DCANP1: variants seen among roughly 807,000 people sequenced by gnomAD.
DCANP1 encodes dendritic cell nuclear protein 1.
For missense variants in DCANP1, 328 were observed against 293.7 expected, an observed-to-expected ratio of 1.12 and a Z score of -0.85; for synonymous variants, 139 against 124.2, an observed-to-expected ratio of 1.12 and a Z score of -0.79.
At position 135,446,157 on chromosome 5, in the gene DCANP1, AC is replaced by A. The variant is rs1000516626; in HGVS notation, c.*216del. Reference sequence around the variant, plus strand: ...GACTCTAAGGAGGTAAGTACTGTGAACTTTCCCGTTTTCTACAAGAAGAAAC... The same window carrying A: ...GACTCTAAGGAGGTAAGTACTGTGAATTTCCCGTTTTCTACAAGAAGAAAC... On this transcript the variant is annotated 3_prime_UTR_variant, in exon 1 of 1. Coordinates refer to ENST00000503143, the MANE Select transcript of DCANP1 (RefSeq NM_130848.3). 2 of 561,332 alleles carry A rather than the reference AC, an allele frequency of 3.6e-6. No homozygotes were observed. The highest frequency in any genetic ancestry group is 6.1e-6 in the Non-Finnish European group (2 of 330,440). 34.8% of individuals were successfully genotyped at this position (561,332 alleles called of 1,614,324 possible). A position where few individuals can be genotyped will look rare whatever the true frequency, so the allele number is the denominator to read the frequency against.
Position 135,445,007 on chromosome 5 carries a change from CA to C in DCANP1, c.*1366del. On this transcript the variant is annotated 3_prime_UTR_variant, in exon 1 of 1. Transcript: ENST00000503143. Reference sequence around the variant, plus strand: ...TCTGCACGGGCTGGCCTGCATAGCCCAGGGGTGGAGAGAGGGGTCAGACTAG... The same window carrying C: ...TCTGCACGGGCTGGCCTGCATAGCCCGGGGTGGAGAGAGGGGTCAGACTAG... 6.6e-6 allele frequency: 1 copy of C among 152,362 alleles called. No homozygotes were observed. The highest frequency in any genetic ancestry group is 2.4e-5 in the African/African-American group (1 of 41,536). The allele number at this position is 152,362 out of a possible 1,614,324, so 9.4% of individuals were successfully genotyped here.
chr5:135,446,993 C>T lies in DCANP1; in HGVS notation c.116G>A (p.Gly39Glu), dbSNP rs1769280523. Residue 39 changes from glycine (G) to glutamate (E), a missense_variant, in exon 1 of 1, where the codon GGG becomes GAG. Transcript: ENST00000503143. ...CTCTGGTGGAGCTGGGGAGTGGCAC[C>T]CTGGGAACTCTGGGGTTTCCCCACC... is the stretch of plus-strand genomic sequence containing the variant. The part of the protein sequence containing the change: ...GAGGETPEFP[G>E]CHSPAPPENF... 1 of 1,613,290 alleles carries T rather than the reference C, an allele frequency of 6.2e-7. No individual in the cohort carries two copies. The highest frequency in any genetic ancestry group is 1.3e-5 in the African/African-American group (1 of 75,050).
At position 135,446,403 on chromosome 5, in the gene DCANP1, G is replaced by T; in HGVS notation, c.706C>A (p.His236Asn). 1 of 1,608,446 alleles carries T rather than the reference G, an allele frequency of 6.2e-7. No individual in the cohort carries two copies. The highest frequency in any genetic ancestry group is 1.1e-5 in the South Asian group (1 of 90,842). ...QQPPLHSLSS[H>N]RRAAHVPE ...TCAGGCACGTGGGCTGCCCTGCGGT[G>T]GGAGCTGAGAGAATGCAGTGGAGGT... is the stretch of plus-strand genomic sequence containing the variant. Residue 236 changes from histidine (H) to asparagine (N), a missense_variant, in exon 1 of 1, where the codon CAC becomes AAC. Coordinates refer to ENST00000503143, the MANE Select transcript of DCANP1 (RefSeq NM_130848.3).
At position 135,446,959 on chromosome 5, in the gene DCANP1, C is replaced by T. The variant is rs779051371; in HGVS notation, c.150G>A (p.Gly50=). ...GGGCACTCAGGGGCAGCAGCTCATT[C>T]CCAAAGTTCTCTGGTGGAGCTGGGG... ...CHSPAPPENF[G]NELLPLSAPL... Residue 50 remains glycine, a synonymous_variant, in exon 1 of 1, where the codon GGG becomes GGA. Transcript: ENST00000503143. 3 of 1,612,662 alleles carry T rather than the reference C, an allele frequency of 1.9e-6. No homozygotes were observed. In the East Asian group the frequency reaches 6.7e-5, roughly 36 times the overall value.
Position 135,446,316 on chromosome 5 carries a change from T to C in DCANP1, c.*58A>G. The C allele has an allele frequency of 6.5e-7, 1 of 1,534,508 alleles. No individual in the cohort carries two copies. Among genetic ancestry groups the C allele is most frequent in the South Asian group, 1.3e-5 (1 of 77,238 alleles). ...CTGGGAGCAGCGTTCATGTGCACTG[T>C]ATGTTCGTGTTTAGTGTATGTCTGT... On this transcript the variant is annotated 3_prime_UTR_variant, in exon 1 of 1. Coordinates refer to ENST00000503143, the MANE Select transcript of DCANP1 (RefSeq NM_130848.3).
chr5:135,446,975 G>A lies in DCANP1; in HGVS notation c.134C>T (p.Pro45Leu). 6.2e-7 allele frequency: 1 copy of A among 1,612,888 alleles called. No homozygotes were observed. Among genetic ancestry groups the A allele is most frequent in the Non-Finnish European group, 8.5e-7 (1 of 1,179,366 alleles). Residue 45 changes from proline to leucine, a missense_variant, in exon 1 of 1, where the codon CCA (proline) becomes CTA (leucine). Physicochemically the swap from Pro to Leu is moderately conservative, Grantham distance 98. Coordinates refer to ENST00000503143, the MANE Select transcript of DCANP1 (RefSeq NM_130848.3). ...CAGCTCATTCCCAAAGTTCTCTGGTGGAGCTGGGGAGTGGCACCCTGGGAA... is the reference window on the plus strand; with the variant it reads ...CAGCTCATTCCCAAAGTTCTCTGGTAGAGCTGGGGAGTGGCACCCTGGGAA... ...PEFPGCHSPA[P>L]PENFGNELLP...
chr5:135,447,220 AC>A lies in DCANP1; in HGVS notation c.-113del. 3.7e-6 allele frequency: 5 copies of A among 1,335,530 alleles called. No homozygotes were observed. In the South Asian group the frequency reaches 6.7e-5, roughly 18 times the overall value. The allele number at this position is 1,335,530 out of a possible 1,614,324, so 82.7% of individuals were successfully genotyped here. A position where few individuals can be genotyped will look rare whatever the true frequency, so the allele number is the denominator to read the frequency against. ...TACCAGGGCATCTCCCATTATACTA[AC>A]CCTGCCTATTGGACCTTCTGATGCA... On this transcript the variant is annotated 5_prime_UTR_variant, in exon 1 of 1. Coordinates refer to ENST00000503143, the MANE Select transcript of DCANP1 (RefSeq NM_130848.3).
In DCANP1 at chr5:135,446,381, G is replaced by C. The variant is rs370314333; in HGVS notation, c.728C>G (p.Pro243Arg). The stretch of plus-strand genomic sequence containing the variant: ...GTGCACACGCACACATGTTCACTCA[G>C]GCACGTGGGCTGCCCTGCGGTGGGA... ...LSSHRRAAHV[P>R]E The change falls in exon 1 of 1, where the codon CCT (proline) becomes CGT (arginine). Residue 243 changes from proline to arginine, a missense_variant. Pro to Arg is a moderately radical substitution (Grantham distance 103, BLOSUM62 -2). Coordinates refer to ENST00000503143, the MANE Select transcript of DCANP1 (RefSeq NM_130848.3). 3 of 1,599,736 alleles carry C rather than the reference G, an allele frequency of 1.9e-6. No individual in the cohort carries two copies. Among genetic ancestry groups the C allele is most frequent in the Non-Finnish European group, 8.5e-7 (1 of 1,170,456 alleles).
chr5:135,447,048 G>C lies in DCANP1; in HGVS notation c.61C>G (p.Pro21Ala), dbSNP rs777821975. The C allele has an allele frequency of 6.8e-6, 11 of 1,614,014 alleles. No individual in the cohort carries two copies. Among genetic ancestry groups the C allele is most frequent in the African/African-American group, 1.3e-5 (1 of 75,064 alleles). The change falls in exon 1 of 1, where the codon CCT (proline) becomes GCT (alanine). Residue 21 changes from proline (P) to alanine (A), a missense_variant. Physicochemically the swap from Pro to Ala is conservative, Grantham distance 27. Coordinates refer to ENST00000503143, the MANE Select transcript of DCANP1 (RefSeq NM_130848.3). ...NSRSHGLETVPGHQRLERGAG... is the reference protein window; with the variant it reads ...NSRSHGLETVAGHQRLERGAG... ...CCTCTCTCCAGTCTTTGGTGTCCAG[G>C]TACAGTCTCCAGGCCGTGGCTTCTC... is the stretch of plus-strand genomic sequence containing the variant.
Position 135,446,776 on chromosome 5 carries a change from A to T in DCANP1, c.333T>A (p.Asp111Glu). 1 of 1,613,936 alleles carries T rather than the reference A, an allele frequency of 6.2e-7. No individual in the cohort carries two copies. The highest frequency in any genetic ancestry group is 8.5e-7 in the Non-Finnish European group (1 of 1,179,836). ...TCTTCCTTCTGCTGCTATGCAGTTC[A>T]TCCTGGGTCCCTGAGGGCCTCGCAG... ...EASARPSGTQ[D>E]ELHSSRRKTG... The change falls in exon 1 of 1, where the codon GAT becomes GAA. Residue 111 changes from aspartate (D) to glutamate (E), a missense_variant. Asp to Glu is a conservative substitution (Grantham distance 45). Transcript: ENST00000503143.
In DCANP1 at chr5:135,444,359, A is replaced by G. The variant is rs1769215559; in HGVS notation, c.*2015T>C. 6.6e-6 allele frequency: 1 copy of G among 152,234 alleles called. No individual in the cohort carries two copies. The highest frequency in any genetic ancestry group is 2.4e-5 in the African/African-American group (1 of 41,454). The allele number at this position is 152,234 out of a possible 1,614,324, so 9.4% of individuals were successfully genotyped here. ...GGGCTGGGTTGTTTACTCCTCCCAC[A>G]GTCTTGGATGGGTTTTGAGGGTCTG... On this transcript the variant is annotated 3_prime_UTR_variant, in exon 1 of 1. Coordinates refer to ENST00000503143, the MANE Select transcript of DCANP1 (RefSeq NM_130848.3).
chr5:135,447,104 T>G lies in DCANP1; in HGVS notation c.5A>C (p.His2Pro), dbSNP rs1769283765. M[H>P]YGAATHIQNS... ...CTGTATGTGGGTTGCTGCTCCGTAA[T>G]GCATAGTTGGGGGACCATTTTGGTC... Residue 2 changes from histidine (H) to proline (P), a missense_variant, in exon 1 of 1, where the codon CAT becomes CCT. Physicochemically the swap from His to Pro is moderately conservative, Grantham distance 77. Transcript: ENST00000503143. The G allele has an allele frequency of 6.2e-7, 1 of 1,613,930 alleles. No individual in the cohort carries two copies. The highest frequency in any genetic ancestry group is 8.5e-7 in the Non-Finnish European group (1 of 1,179,920).
At chr5:135,446,598 A>AT in the DCANP1 span, 5 of 1,614,032 alleles carry the variant, frequency 3.1e-6, no homozygotes, top group Non-Finnish European at 4.2e-6. Context: ...CTCAAGAAAA[A>AT]TGAAGTCTCG....
Position 135,446,824 on chromosome 5 carries a change from G to A in DCANP1, c.285C>T (p.Asn95=). 6.2e-7 allele frequency: 1 copy of A among 1,613,956 alleles called. No homozygotes were observed. Among genetic ancestry groups the A allele is most frequent in the Non-Finnish European group, 8.5e-7 (1 of 1,179,840 alleles). The part of the protein sequence containing the change: ...AVQFLHRGLC[N]SNLSSEASAR... ...CAGATGCTTCACTCGAAAGATTGGA[G>A]TTGCAGAGTCCCCTGTGGAGGAATT... Residue 95 remains asparagine (N), a synonymous_variant, in exon 1 of 1, where the codon AAC becomes AAT. Transcript: ENST00000503143.
In DCANP1 at chr5:135,447,038, T is replaced by A. The variant is rs142314555; in HGVS notation, c.71A>T (p.Gln24Leu). 2.7e-5 allele frequency: 43 copies of A among 1,613,996 alleles called. No individual in the cohort carries two copies. In the African/African-American group the frequency reaches 3.9e-4, roughly 15 times the overall value. The change falls in exon 1 of 1, where the codon CAA (glutamine) becomes CTA (leucine). Residue 24 changes from glutamine (Q) to leucine (L), a missense_variant. Physicochemically the swap from Gln to Leu is moderately radical, Grantham distance 113 (BLOSUM62 -2). Transcript: ENST00000503143. ...SHGLETVPGHQRLERGAGGET... is the reference protein window; with the variant it reads ...SHGLETVPGHLRLERGAGGET... The stretch of plus-strand genomic sequence containing the variant: ...CCCACCAGCTCCTCTCTCCAGTCTT[T>A]GGTGTCCAGGTACAGTCTCCAGGCC...
At position 135,446,578 on chromosome 5, in the gene DCANP1, T is replaced by C; in HGVS notation, c.531A>G (p.Ser177=). 6.2e-7 allele frequency: 1 copy of C among 1,613,954 alleles called. No homozygotes were observed. The highest frequency in any genetic ancestry group is 1.1e-5 in the South Asian group (1 of 91,076). The change falls in exon 1 of 1, where the codon TCA becomes TCG. Residue 177 remains serine (S), a synonymous_variant. Coordinates refer to ENST00000503143, the MANE Select transcript of DCANP1 (RefSeq NM_130848.3). The part of the protein sequence containing the change: ...SETSFFLSRK[S]LKSSDPWHPP... ...GGTGCCATGGATCTGATGATTTCAG[T>C]GATTTTCTACTCAAGAAAAATGAAG...
In DCANP1 at chr5:135,446,488, C is replaced by G; in HGVS notation, c.621G>C (p.Leu207Phe). The change falls in exon 1 of 1, where the codon TTG becomes TTC. Residue 207 changes from leucine (L) to phenylalanine (F), a missense_variant. Coordinates refer to ENST00000503143, the MANE Select transcript of DCANP1 (RefSeq NM_130848.3). ...QAGFRAWSSHLISLSLTCSDS... is the reference protein window; with the variant it reads ...QAGFRAWSSHFISLSLTCSDS... ...CTGAGCAGGTGAGGGATAGTGATAT[C>G]AAGTGCGAAGACCAGGCCCTGAAGC... 1 of 1,614,000 alleles carries G rather than the reference C, an allele frequency of 6.2e-7. No individual in the cohort carries two copies. Among genetic ancestry groups the G allele is most frequent in the Non-Finnish European group, 8.5e-7 (1 of 1,179,896 alleles).
In DCANP1 at chr5:135,444,924, T is replaced by A. The variant is rs1432705979; in HGVS notation, c.*1450A>T. ...GCATCACGTTCTCAGTCCTTTCCTG[T>A]GTGGATGGAGTGTTGGCACAGTGAG... is the stretch of plus-strand genomic sequence containing the variant. On this transcript the variant is annotated 3_prime_UTR_variant, in exon 1 of 1. Coordinates refer to ENST00000503143, the MANE Select transcript of DCANP1 (RefSeq NM_130848.3). 1.3e-5 allele frequency: 2 copies of A among 152,414 alleles called. No homozygotes were observed. The highest frequency in any genetic ancestry group is 1.3e-4 in the Admixed American group (2 of 15,288). The allele number at this position is 152,414 out of a possible 1,614,324, so 9.4% of individuals were successfully genotyped here.
In DCANP1 at chr5:135,446,331, T is replaced by C. The variant is rs1175168650; in HGVS notation, c.*43A>G. ...ATGTGCACTGTATGTTCGTGTTTAGTGTATGTCTGTGCATACTTGCGTGTG... is the reference window on the plus strand; with the variant it reads ...ATGTGCACTGTATGTTCGTGTTTAGCGTATGTCTGTGCATACTTGCGTGTG... On this transcript the variant is annotated 3_prime_UTR_variant, in exon 1 of 1. Coordinates refer to ENST00000503143, the MANE Select transcript of DCANP1 (RefSeq NM_130848.3). 3 of 1,552,692 alleles carry C rather than the reference T, an allele frequency of 1.9e-6. No individual in the cohort carries two copies. The highest frequency in any genetic ancestry group is 2.6e-6 in the Non-Finnish European group (3 of 1,147,484).
Sources: allele counts gnomAD v4.1 joint callset, GRCh38; gene constraint gnomAD v4.1.1; transcripts MANE v1.5; gene names NCBI Gene and HGNC (gene_info 2026-07-23, HGNC 2026-07-21).